SYNPO2: variants seen among roughly 807,000 people sequenced by gnomAD.
SYNPO2 encodes synaptopodin 2, also known as synaptopodin-2.
Under a neutral mutation model 85.0 loss-of-function variants are expected in SYNPO2, and 56 were observed. That is an observed-to-expected ratio of 0.66 (90% CI 0.53 to 0.82). The LOEUF is 0.82. Ranked by LOEUF, SYNPO2 falls within the 40% of genes least tolerant of loss-of-function variation. SYNPO2 has a pLI of 0.00. For missense variants in SYNPO2, 1,575 were observed against 1,534.2 expected (o/e 1.03, Z -0.44); for synonymous variants, 602 against 591.1 (o/e 1.02, Z -0.27).
intron 1 of SYNPO2, among the ~76,000 whole-genome samples, chr4:119,000,324 T>A (rs186584648): frequency 6.6e-6 from 1 of 152,352 alleles, no homozygotes; most frequent in African/African-American, 2.4e-5. Context: ...TTCATTTTCC[T>A]GGGTCTGAGA....
intron 1 of SYNPO2, among the ~76,000 whole-genome samples, chr4:118,859,184 T>C (rs1389941107): frequency 6.6e-6 from 1 of 152,222 alleles, no homozygotes; most frequent in African/African-American, 2.4e-5. Context: ...ATACATCCTT[T>C]GTGTCGACTA....
chr4:119,000,541 A>G (rs2149172868), intron 1 of SYNPO2, among the ~76,000 whole-genome samples: 1 of 152,334 alleles, frequency 6.6e-6, no homozygotes, highest in Non-Finnish European at 1.5e-5. Context: ...CCCAGGATTA[A>G]TAAAATAGCA....
chr4:118,991,311 C>A (rs1736408336), intron 1 of SYNPO2, among the ~76,000 whole-genome samples: 1 of 151,976 alleles, frequency 6.6e-6, no homozygotes, highest in African/African-American at 2.4e-5. Flanking sequence ...CCGCACCTGG[C>A]TAATTTTTGT....
At chr4:119,052,505 T>C (rs1739086083) in intron 4 of SYNPO2, among the ~76,000 whole-genome samples, 1 of 152,232 alleles carries the variant, frequency 6.6e-6, no homozygotes, top group Admixed American at 6.5e-5. Context: ...CAGAACATGA[T>C]GTTGCCAAAT....
At chr4:118,913,094 C>T (rs1733195823) in intron 1 of SYNPO2, among the ~76,000 whole-genome samples, 1 of 152,110 alleles carries the variant, frequency 6.6e-6, no homozygotes, top group Non-Finnish European at 1.5e-5. Flanking sequence ...TGCAACAGTA[C>T]TATGCTAGGT....
intron 4 of SYNPO2, among the ~76,000 whole-genome samples, chr4:119,039,954 G>T (rs1738657015): frequency 6.6e-6 from 1 of 152,142 alleles, no homozygotes; most frequent in Admixed American, 6.5e-5. Context: ...GGGCCGCGCT[G>T]CCTGCCTCTG....
At chr4:119,013,514 T>C (rs567084920) in intron 1 of SYNPO2, among the ~76,000 whole-genome samples, 1 of 152,208 alleles carries the variant, frequency 6.6e-6, no homozygotes. Flanking sequence ...ATATGGTTAT[T>C]CAGTCTTGGA....
upstream of SYNPO2, among the ~76,000 whole-genome samples, chr4:118,885,231 G>A (rs139510483): frequency 1.5e-4 from 23 of 152,196 alleles, no homozygotes; most frequent in East Asian, 3.9e-4. Context: ...AAAAAAGTTC[G>A]GACTTTATCC....
chr4:119,035,807 A>G lies in SYNPO2; in HGVS notation c.3252+3780A>G, dbSNP rs368999039. 7.3e-6 allele frequency: 7 copies of G among 954,120 alleles called. No homozygotes were observed. The East Asian group carries it at 3.7e-4, about 51-fold the overall frequency. The allele number at this position is 954,120 out of a possible 1,614,324, so 59.1% of individuals were successfully genotyped here. ...ATTCTAGCCTGGCAGCAAGAGTCACATCTGAGATGTCCAAAAAAAAAAAAA... is the reference window on the plus strand; with the variant it reads ...ATTCTAGCCTGGCAGCAAGAGTCACGTCTGAGATGTCCAAAAAAAAAAAAA... On this transcript the variant is annotated intron_variant, in intron 4 of 4. Coordinates refer to ENST00000307142, the MANE Select transcript of SYNPO2 (RefSeq NM_133477.3).
chr4:118,921,221 TA>T (rs1417935144), intron 1 of SYNPO2, among the ~76,000 whole-genome samples: 2 of 152,166 alleles, frequency 1.3e-5, no homozygotes, highest in Non-Finnish European at 2.9e-5. Flanking sequence ...CTGAGTTCTT[TA>T]CCTAGTCCTT....
rs191360248 is a variant in SYNPO2 at position 119,047,693 on chromosome 4, G to A, written c.3253-9708G>A. On this transcript the variant is annotated intron_variant, in intron 4 of 4. Coordinates refer to ENST00000307142, the MANE Select transcript of SYNPO2 (RefSeq NM_133477.3). The stretch of plus-strand genomic sequence containing the variant: ...CTTGATTGTATCTAAACCACCTCAA[G>A]GGAGCGTTTGTTTTATATTTAAAGA... Among the ~76,000 whole-genome samples the A allele has an allele frequency of 2.7e-4, 41 of 152,286 alleles. 1 individual carries two copies. The East Asian group carries it at 7.9e-3, about 29-fold the overall frequency.
chr4:118,859,452 G>A (rs55704595), intron 1 of SYNPO2, among the ~76,000 whole-genome samples: 6,261 of 152,110 alleles, frequency 0.041, 192 homozygotes, highest in Non-Finnish European at 0.064. Flanking sequence ...TTTTAAAAGT[G>A]CGACTAAATT....
chr4:119,022,696 T>TA (rs1379688250), intron 1 of SYNPO2, among the ~76,000 whole-genome samples: 2 of 134,302 alleles, frequency 1.5e-5, no homozygotes, highest in African/African-American at 5.8e-5. Context: ...AATTGTATTT[T>TA]ATTTTATTTT....
chr4:118,882,564 A>AT lies in SYNPO2; in HGVS notation c.12+31627dup, dbSNP rs545878821. 2.1e-3 allele frequency among the ~76,000 whole-genome samples: 326 copies of AT among 152,238 alleles called. 2 individuals are homozygous for AT. The highest frequency in any genetic ancestry group is 0.02 in the Middle Eastern group (6 of 294). ...GAAAAATAAAATGCCTAATATGTTTATTTATCTCATCTTCATTATCCTAAA... is the reference window on the plus strand; with the variant it reads ...GAAAAATAAAATGCCTAATATGTTTATTTTATCTCATCTTCATTATCCTAAA... On this transcript the variant is annotated intron_variant, in intron 1 of 4. Transcript: ENST00000610556.
At chr4:118,890,373 C>G (rs1347309800) in intron 1 of SYNPO2, among the ~76,000 whole-genome samples, 1 of 152,116 alleles carries the variant, frequency 6.6e-6, no homozygotes, top group Non-Finnish European at 1.5e-5. Flanking sequence ...GTCTGCAGTT[C>G]AACCCATGAA....
intron 1 of SYNPO2, among the ~76,000 whole-genome samples, chr4:118,901,688 A>G (rs889135321): frequency 4.6e-5 from 7 of 152,222 alleles, no homozygotes; most frequent in African/African-American, 1.7e-4. Context: ...CAGGCATAGT[A>G]AAACATAATA....
intron 4 of SYNPO2, among the ~76,000 whole-genome samples, chr4:119,050,534 C>G (rs1466641165): frequency 6.6e-6 from 1 of 152,156 alleles, no homozygotes; most frequent in African/African-American, 2.4e-5. Context: ...AGTGCCTCTA[C>G]TTCACGGGGT....
At chr4:118,984,146 C>T (rs927715260) in intron 1 of SYNPO2, among the ~76,000 whole-genome samples, 2 of 152,144 alleles carry the variant, frequency 1.3e-5, no homozygotes, top group African/African-American at 4.8e-5. Context: ...TCATTCCAGC[C>T]CAACCAATAT....
chr4:118,894,861 A>G (rs1381676382), intron 1 of SYNPO2, among the ~76,000 whole-genome samples: 1 of 151,958 alleles, frequency 6.6e-6, no homozygotes, highest in Admixed American at 6.6e-5. Flanking sequence ...GAAGAAAAAG[A>G]AAGAGGAAGA....
Sources: gnomAD v4.1 joint callset for allele counts (sites outside exome capture counted in the v4.1 genomes callset) on GRCh38, gnomAD v4.1.1 for gene constraint, MANE v1.5 for transcripts, NCBI Gene and HGNC (gene_info 2026-07-23, HGNC 2026-07-21) for gene names.